The following SPOCK3 variants were observed in gnomAD, a reference collection of about 807,000 sequenced individuals.
SPOCK3 encodes the protein testican-3.
A neutral mutation model predicts 56.6 loss-of-function variants in SPOCK3; 30 were observed. The observed-to-expected ratio is 0.53, with a 90% confidence interval of 0.40 to 0.72. The LOEUF (loss-of-function observed/expected upper bound fraction) is 0.72. Ranked by LOEUF, SPOCK3 falls within the 30% of genes least tolerant of loss-of-function variation. SPOCK3 has a pLI of 0.00. For synonymous variants in SPOCK3, 196 were observed against 183.3 expected, an observed-to-expected ratio of 1.07 and a Z score of -0.56; for missense variants, 527 against 530.0, an observed-to-expected ratio of 0.99 and a Z score of 0.06.
chr4:166,904,331 T>C (rs1050035330), intron 5 of SPOCK3, among the ~76,000 whole-genome samples: 2 of 152,050 alleles, frequency 1.3e-5, no homozygotes, highest in African/African-American at 4.8e-5. Context: ...GAGTCATTCA[T>C]TAATACATTA....
chr4:167,222,238 A>G (rs1475356882), intron 2 of SPOCK3, among the ~76,000 whole-genome samples: 2 of 152,042 alleles, frequency 1.3e-5, no homozygotes, highest in East Asian at 3.9e-4. Context: ...ATATATCTAA[A>G]GTAGTCAAAT....
chr4:167,183,407 A>C (rs1731670003), intron 2 of SPOCK3, among the ~76,000 whole-genome samples: 1 of 152,212 alleles, frequency 6.6e-6, no homozygotes, highest in South Asian at 2.1e-4. Context: ...AAAATAAAAA[A>C]TGACTTCTAG....
At chr4:166,961,101 T>G (rs958164614) in intron 4 of SPOCK3, among the ~76,000 whole-genome samples, 1 of 152,022 alleles carries the variant, frequency 6.6e-6, no homozygotes, top group African/African-American at 2.4e-5. Context: ...GATATAATCA[T>G]ACAATAAAAG....
In SPOCK3 at chr4:167,191,523, T is replaced by C. The variant is rs865854464; in HGVS notation, c.189+42462A>G. ...TTTTTCAATTCCTTGGTTAAATTTA[T>C]TACTAGGCATTTTATTCTTTTTGAT... is the stretch of plus-strand genomic sequence containing the variant. On this transcript the variant is annotated intron_variant, in intron 2 of 10. Coordinates refer to ENST00000357545, the MANE Select transcript of SPOCK3 (RefSeq NM_001040159.2). Among the ~76,000 whole-genome samples the C allele has an allele frequency of 6.2e-5, 9 of 146,018 alleles. 1 individual carries two copies. The highest frequency in any genetic ancestry group is 1.3e-4 in the Non-Finnish European group (9 of 66,746).
At chr4:166,877,646 A>G (rs575977573) in intron 6 of SPOCK3, among the ~76,000 whole-genome samples, 1 of 152,296 alleles carries the variant, frequency 6.6e-6, no homozygotes, top group East Asian at 1.9e-4. Flanking sequence ...CTATAATGTA[A>G]AAGTTCTCAT....
intron 5 of SPOCK3, among the ~76,000 whole-genome samples, chr4:166,899,777 G>A (rs993203048): frequency 4.6e-5 from 7 of 152,006 alleles, no homozygotes; most frequent in Middle Eastern, 3.4e-3. Context: ...AGCCTCCCAA[G>A]ATGCTGGGAT....
intron 2 of SPOCK3, among the ~76,000 whole-genome samples, chr4:167,104,198 A>G (rs957576864): frequency 6.6e-6 from 1 of 152,194 alleles, no homozygotes; most frequent in Non-Finnish European, 1.5e-5. Context: ...ACAGCCATCA[A>G]GACCATCCAG....
chr4:166,790,295 A>T (rs1057222101), intron 7 of SPOCK3, among the ~76,000 whole-genome samples: 1 of 152,178 alleles, frequency 6.6e-6, no homozygotes, highest in Non-Finnish European at 1.5e-5. Flanking sequence ...CTGAAGGGAA[A>T]ATAAAAATAG....
At chr4:167,020,508 C>T (rs1331906145) in intron 3 of SPOCK3, among the ~76,000 whole-genome samples, 1 of 151,980 alleles carries the variant, frequency 6.6e-6, no homozygotes, top group Non-Finnish European at 1.5e-5. Context: ...AACTAAGGCT[C>T]TTATGTAAAG....
chr4:166,888,653 CTT>C (rs1242041320), intron 6 of SPOCK3, among the ~76,000 whole-genome samples: 2 of 151,782 alleles, frequency 1.3e-5, no homozygotes, highest in African/African-American at 4.8e-5. Context: ...AAAAGTTTAA[CTT>C]ATAAAATTAT....
intron 2 of SPOCK3, among the ~76,000 whole-genome samples, chr4:167,102,863 A>G (rs1394030147): frequency 6.8e-6 from 1 of 146,742 alleles, no homozygotes; most frequent in Non-Finnish European, 1.5e-5. Flanking sequence ...GACACCAGCC[A>G]GGACGGCTAA....
chr4:167,108,960 TATATAA>T lies in SPOCK3; in HGVS notation c.190-46429_190-46424del, dbSNP rs1413871770. 4.5e-4 allele frequency among the ~76,000 whole-genome samples: 40 copies of T among 89,090 alleles called. 1 individual carries two copies. The highest frequency in any genetic ancestry group is 6.0e-4 in the South Asian group (2 of 3,336). 58.4% of individuals were successfully genotyped at this position (89,090 alleles called of 152,430 possible). A position where few individuals can be genotyped will look rare whatever the true frequency, so the allele number is the denominator to read the frequency against. ...TTATATTTATATTATAAATATTATA[TATATAA>T]ATATATAAATATTATAAATATATAT... On this transcript the variant is annotated intron_variant, in intron 2 of 10. Coordinates refer to ENST00000357545, the MANE Select transcript of SPOCK3 (RefSeq NM_001040159.2).
chr4:166,847,647 T>TTATATATATATATACATATATATATATA (rs1553986752), intron 6 of SPOCK3, among the ~76,000 whole-genome samples: 2 of 55,368 alleles, frequency 3.6e-5, no homozygotes, highest in African/African-American at 1.0e-4. Flanking sequence ...AAATCCTAGT[T>TTATATATATATATACATATATATATATA]TATATATATA....
intron 5 of SPOCK3, among the ~76,000 whole-genome samples, chr4:166,890,612 C>T (rs1399085813): frequency 6.6e-6 from 1 of 151,840 alleles, no homozygotes; most frequent in Non-Finnish European, 1.5e-5. Context: ...AAGTATTTTT[C>T]ATTTATTTCT....
In SPOCK3 at chr4:166,800,183, G is replaced by GAAAAAAAAAAAAAAAAAAAAAAAAAAA. The variant is rs367811359; in HGVS notation, c.590-7895_590-7894insTTTTTTTTTTTTTTTTTTTTTTTTTTT. Among the ~76,000 whole-genome samples the GAAAAAAAAAAAAAAAAAAAAAAAAAAA allele has an allele frequency of 4.8e-4, 25 of 51,778 alleles. No homozygotes were observed. The East Asian group carries it at 5.6e-3, about 12-fold the overall frequency. The allele number at this position is 51,778 out of a possible 152,430, so 34.0% of individuals were successfully genotyped here. A position where few individuals can be genotyped will look rare whatever the true frequency, so the allele number is the denominator to read the frequency against. The stretch of plus-strand genomic sequence containing the variant: ...GGCGACAGAGAGAGACTCCATCTCA[G>GAAAAAAAAAAAAAAAAAAAAAAAAAAA]AAAAAAAAAAAAAAAAAAAAAAATG... On this transcript the variant is annotated intron_variant, in intron 6 of 10. Transcript: ENST00000357545.
chr4:166,948,608 G>A (rs967721496), intron 4 of SPOCK3, among the ~76,000 whole-genome samples: 5 of 151,988 alleles, frequency 3.3e-5, no homozygotes, highest in Non-Finnish European at 5.9e-5. Flanking sequence ...TGTATTTCCT[G>A]ATGATTAGTA....
chr4:166,788,619 A>G (rs1489145185), intron 7 of SPOCK3, among the ~76,000 whole-genome samples: 1 of 151,718 alleles, frequency 6.6e-6, no homozygotes, highest in Non-Finnish European at 1.5e-5. Flanking sequence ...TTACTACAAA[A>G]TGCTGACAAA....
At chr4:167,105,250 A>G (rs893902589) in intron 2 of SPOCK3, among the ~76,000 whole-genome samples, 4 of 152,018 alleles carry the variant, frequency 2.6e-5, no homozygotes, top group Non-Finnish European at 5.9e-5. Context: ...TCCAAGACAG[A>G]GAAGGTACAA....
chr4:167,227,848 CTG>C (rs1204334300), intron 2 of SPOCK3, among the ~76,000 whole-genome samples: 8 of 152,120 alleles, frequency 5.3e-5, no homozygotes, highest in Non-Finnish European at 1.0e-4. Flanking sequence ...CAAAGTCTTA[CTG>C]TCAGAGTAGC....
Sources: allele counts gnomAD v4.1 joint callset (sites outside exome capture counted in the v4.1 genomes callset), GRCh38; gene constraint gnomAD v4.1.1; transcripts MANE v1.5; gene names NCBI Gene and HGNC (gene_info 2026-07-23, HGNC 2026-07-21).